Variants in GALNT13 observed in about 807,000 individuals in gnomAD.
The protein encoded by GALNT13 is UDP-GalNAc:polypeptide N-acetylgalactosaminyltransferase 13.
Under a neutral mutation model 64.2 loss-of-function variants are expected in GALNT13, and 28 were observed. The ratio of observed to expected loss-of-function variants is 0.44; its 90% CI spans 0.32 to 0.60. The LOEUF (loss-of-function observed/expected upper bound fraction) is 0.60, where lower values mean the gene tolerates loss of function less well. GALNT13 is among the 20% of genes least tolerant of loss of function. The pLI is 0.05. For missense variants in GALNT13, 577 were observed against 669.8 expected, an observed-to-expected ratio of 0.86 and a Z score of 1.53; for synonymous variants, 214 against 224.6, an observed-to-expected ratio of 0.95 and a Z score of 0.42.
chr2:153,277,333 G>C, the GALNT13 span, among the ~76,000 whole-genome samples: 2 of 152,104 alleles, frequency 1.3e-5, no homozygotes. Context: ...GTGTTAATTT[G>C]CTTAGGATAT....
At chr2:153,505,486 T>C in the GALNT13 span, among the ~76,000 whole-genome samples, 29 of 152,294 alleles carry the variant, frequency 1.9e-4, no homozygotes, top group African/African-American at 6.3e-4. Context: ...TTTCAAACTT[T>C]CTGATGTAGG....
the GALNT13 span, among the ~76,000 whole-genome samples, chr2:153,813,794 A>C: frequency 6.6e-6 from 1 of 152,320 alleles, no homozygotes; most frequent in South Asian, 2.1e-4. Context: ...GACTTTAACA[A>C]CTATAATTTA....
chr2:153,737,267 T>C, the GALNT13 span, among the ~76,000 whole-genome samples: 1 of 152,184 alleles, frequency 6.6e-6, no homozygotes, highest in Non-Finnish European at 1.5e-5. Flanking sequence ...GAAAGTGTTA[T>C]TATATTTTTT....
At chr2:154,038,263 GA>G (rs1206139684) in intron 3 of GALNT13, among the ~76,000 whole-genome samples, 30 of 152,184 alleles carry the variant, frequency 2.0e-4, no homozygotes, top group African/African-American at 6.7e-4. Flanking sequence ...CACAGAATTA[GA>G]AAAAATATTA....
the GALNT13 span, among the ~76,000 whole-genome samples, chr2:153,085,365 G>T: frequency 6.6e-6 from 1 of 152,136 alleles, no homozygotes; most frequent in Non-Finnish European, 1.5e-5. Context: ...TGTCTCCAGG[G>T]CATGTCAGAG....
intron 4 of GALNT13, among the ~76,000 whole-genome samples, chr2:154,213,497 AGT>A (rs1472809941): frequency 3.3e-5 from 5 of 152,196 alleles, no homozygotes; most frequent in African/African-American, 1.2e-4. Flanking sequence ...ATATTTATGA[AGT>A]CAGTTCCAAG....
chr2:154,206,349 A>G (rs1573874323), intron 4 of GALNT13, among the ~76,000 whole-genome samples: 1 of 151,952 alleles, frequency 6.6e-6, no homozygotes, highest in African/African-American at 2.4e-5. Context: ...GAAATCATAT[A>G]TATATAGAGA....
At position 154,093,398 on chromosome 2, in the gene GALNT13, G is replaced by C. The variant is rs372304562; in HGVS notation, c.143-46939G>C. On this transcript the variant is annotated intron_variant, in intron 3 of 12. Transcript: ENST00000392825. ...TTTTTCAATTTTAAATTTTAGCTAA[G>C]TACAGTTCAACAATATTTATGTAGC... 1.8e-4 allele frequency among the ~76,000 whole-genome samples: 28 copies of C among 152,006 alleles called. 1 individual carries two copies. The South Asian group carries it at 5.6e-3, about 30-fold the overall frequency.
At chr2:153,815,045 A>T in the GALNT13 span, among the ~76,000 whole-genome samples, 1 of 152,190 alleles carries the variant, frequency 6.6e-6, no homozygotes, top group Non-Finnish European at 1.5e-5. Context: ...TTTAAATGCT[A>T]AATACAGCTA....
the GALNT13 span, among the ~76,000 whole-genome samples, chr2:153,538,195 C>A: frequency 0.014 from 2,104 of 152,134 alleles, 59 homozygotes; most frequent in African/African-American, 0.048. Flanking sequence ...ATAAAGGTGA[C>A]TCTTGCTATG....
chr2:153,235,278 A>G, the GALNT13 span, among the ~76,000 whole-genome samples: 1 of 152,164 alleles, frequency 6.6e-6, no homozygotes, highest in Non-Finnish European at 1.5e-5. Context: ...TTGCTGCACA[A>G]AAGAATTTGA....
chr2:153,423,805 A>T, the GALNT13 span, among the ~76,000 whole-genome samples: 1 of 151,654 alleles, frequency 6.6e-6, no homozygotes, highest in African/African-American at 2.4e-5. Context: ...TTACTTACAC[A>T]TAAGACTTAC....
chr2:153,261,626 A>C, the GALNT13 span, among the ~76,000 whole-genome samples: 1 of 152,128 alleles, frequency 6.6e-6, no homozygotes, highest in Non-Finnish European at 1.5e-5. Context: ...TGCTGGGTCA[A>C]ATCTGAAGCC....
chr2:154,179,825 A>T (rs1019771105), intron 4 of GALNT13, among the ~76,000 whole-genome samples: 14 of 25,930 alleles, frequency 5.4e-4, no homozygotes, highest in African/African-American at 1.8e-3. Context: ...CTTCCATGAT[A>T]AAAAAAAAAA....
chr2:153,988,433 T>C (rs1694948948), intron 3 of GALNT13, among the ~76,000 whole-genome samples: 1 of 151,984 alleles, frequency 6.6e-6, no homozygotes, highest in Non-Finnish European at 1.5e-5. Flanking sequence ...CTTTGTCTTT[T>C]TGTGCCTCGC....
chr2:153,262,278 C>T, the GALNT13 span, among the ~76,000 whole-genome samples: 14 of 152,116 alleles, frequency 9.2e-5, no homozygotes, highest in Non-Finnish European at 1.5e-4. Context: ...CTAAATTCAT[C>T]GGCAGTTGAT....
At chr2:153,875,247 T>C (rs916438158) in intron 1 of GALNT13, among the ~76,000 whole-genome samples, 4 of 152,170 alleles carry the variant, frequency 2.6e-5, no homozygotes, top group African/African-American at 7.2e-5. Context: ...CTTGATGATA[T>C]GCTAGTCACC....
the GALNT13 span, among the ~76,000 whole-genome samples, chr2:153,464,531 C>T: frequency 1.3e-5 from 2 of 152,026 alleles, no homozygotes; most frequent in East Asian, 3.9e-4. Context: ...CAAACTCTAG[C>T]ACTCACAATG....
chr2:153,818,956 G>A, the GALNT13 span, among the ~76,000 whole-genome samples: 2 of 152,246 alleles, frequency 1.3e-5, no homozygotes, highest in Middle Eastern at 3.4e-3. Context: ...ATCACAGCCA[G>A]CACCTGAACT....
Sources: allele counts gnomAD v4.1 joint callset (sites outside exome capture counted in the v4.1 genomes callset), GRCh38; gene constraint gnomAD v4.1.1; transcripts MANE v1.5; gene names NCBI Gene and HGNC (gene_info 2026-07-23, HGNC 2026-07-21).